The following HSD11B1 variants were observed in gnomAD, a reference collection of about 807,000 sequenced individuals.
HSD11B1 encodes the protein hydroxysteroid 11-beta dehydrogenase 1, also known as 11-beta-hydroxysteroid dehydrogenase 1.
HSD11B1 carries 15 observed loss-of-function variants against 22.1 expected under a neutral mutation model. The ratio of observed to expected loss-of-function variants is 0.68; its 90% CI spans 0.45 to 1.04. The LOEUF (loss-of-function observed/expected upper bound fraction) is 1.04, where lower values mean the gene tolerates loss of function less well. Among genes scored for constraint, HSD11B1 ranks in the 50% least tolerant of loss-of-function variants. The probability of loss-of-function intolerance (pLI) is 0.00; values close to 1 mark genes in which losing one functional copy is unlikely to be tolerated. For synonymous variants in HSD11B1, 122 were observed against 125.2 expected (o/e 0.97, Z 0.17); for missense variants, 281 against 357.6 (o/e 0.79, Z 1.73).
At chr1:209,704,581 A>G (rs925127592), upstream of HSD11B1, among the ~76,000 whole-genome samples, 1 of 152,142 alleles carries the variant, frequency 6.6e-6, no homozygotes, top group African/African-American at 2.4e-5. Context: ...CTTTTGAAAG[A>G]TCATTGATCC....
At position 209,688,664 on chromosome 1, in the gene HSD11B1, T is replaced by C. The variant is rs180703007; in HGVS notation, c.-49+2379T>C. The stretch of plus-strand genomic sequence containing the variant: ...CTTGGGGGTAAGTAGAAGATATCAC[T>C]ACTATAAGCTTCCTCTCCTTTCAAG... On this transcript the variant is annotated intron_variant, in intron 1 of 6. Transcript: ENST00000261465. 1.7e-3 allele frequency among the ~76,000 whole-genome samples: 260 copies of C among 152,308 alleles called. 3 individuals carry two copies. Among genetic ancestry groups the C allele is most frequent in the African/African-American group, 6.0e-3 (251 of 41,558 alleles).
At chr1:209,732,222 A>C (rs1195353855) in intron 4 of HSD11B1, among the ~76,000 whole-genome samples, 10 of 152,166 alleles carry the variant, frequency 6.6e-5, no homozygotes, top group Middle Eastern at 3.2e-3. Flanking sequence ...TCCCTCTTCA[A>C]TGAAGGCTGT....
intron 4 of HSD11B1, among the ~76,000 whole-genome samples, chr1:209,715,611 C>G (rs927051159): frequency 3.3e-5 from 5 of 152,204 alleles, no homozygotes; most frequent in Admixed American, 3.3e-4. Flanking sequence ...AAACCTAGAA[C>G]CATTGAGGCA....
At chr1:209,698,251 C>T (rs922019652) in intron 1 of HSD11B1, among the ~76,000 whole-genome samples, 1 of 152,016 alleles carries the variant, frequency 6.6e-6, no homozygotes, top group Non-Finnish European at 1.5e-5. Flanking sequence ...CTTAAAATAA[C>T]TATTTGTCAT....
rs748009551 is a variant in HSD11B1, at chr1:209,704,971, C to G, written c.29C>G (p.Pro10Arg). MAFMKKYLL[P>R]ILGLFMAYYY... ...GCTTTTATGAAAAAATATCTCCTCC[C>G]CATTCTGGGGCTCTTCATGGCCTAC... is the stretch of plus-strand genomic sequence containing the variant. Residue 10 changes from proline to arginine, a missense_variant, in exon 1 of 6, where the codon CCC becomes CGC. Pro to Arg is a moderately radical substitution (Grantham distance 103). Transcript: ENST00000367027. 26 of 1,613,780 alleles carry G rather than the reference C, an allele frequency of 1.6e-5. No individual in the cohort carries two copies. The highest frequency in any genetic ancestry group is 3.3e-5 in the Admixed American group (2 of 59,994).
intron 1 of HSD11B1, among the ~76,000 whole-genome samples, chr1:209,688,983 T>G (rs550891321): frequency 1.3e-5 from 2 of 151,982 alleles, no homozygotes; most frequent in African/African-American, 4.8e-5. Flanking sequence ...GAGGAACAGG[T>G]GGGGGTAAAC....
In HSD11B1 at chr1:209,723,174, G is replaced by C. The variant is rs145748320; in HGVS notation, c.518-9262G>C. Among the ~76,000 whole-genome samples the C allele has an allele frequency of 6.4e-4, 97 of 152,106 alleles. 1 individual carries two copies. Among genetic ancestry groups the C allele is most frequent in the African/African-American group, 2.3e-3 (95 of 41,498 alleles). On this transcript the variant is annotated intron_variant, in intron 4 of 5. Coordinates refer to ENST00000367027, the MANE Select transcript of HSD11B1 (RefSeq NM_005525.4). ...ATAGTCACCATAGCTCTGTTTCTTT[G>C]TGTTCTAAAACTTCCCAGAAAGCTA...
At chr1:209,701,738 G>A (rs2076828090), upstream of HSD11B1, among the ~76,000 whole-genome samples, 1 of 152,188 alleles carries the variant, frequency 6.6e-6, no homozygotes, top group Admixed American at 6.5e-5. Context: ...CATGATCAAC[G>A]TTTTATGCCA....
In HSD11B1 at chr1:209,704,918, A is replaced by T; in HGVS notation, c.-25A>T. 6.3e-7 allele frequency: 1 copy of T among 1,576,672 alleles called. No homozygotes were observed. Among genetic ancestry groups the T allele is most frequent in the African/African-American group, 1.3e-5 (1 of 74,244 alleles). ...AGGTTCTCTCTGTGTGTCCTACAGG[A>T]GTCTTCAGGCCAGCTCCCTGTCGGA... is the stretch of plus-strand genomic sequence containing the variant. On this transcript the variant is annotated 5_prime_UTR_variant, in exon 1 of 6. Coordinates refer to ENST00000367027, the MANE Select transcript of HSD11B1 (RefSeq NM_005525.4).
rs80241976 is a variant in HSD11B1, at chr1:209,731,536, G to A, written c.518-900G>A. On this transcript the variant is annotated intron_variant, in intron 4 of 5. Coordinates refer to ENST00000367027, the MANE Select transcript of HSD11B1 (RefSeq NM_005525.4). Reference sequence around the variant, plus strand: ...TAAAGTAGTTGCTATAACAATGCTCGGTAAAGACTATAGGGTCTCAGGTCA... The same window carrying A: ...TAAAGTAGTTGCTATAACAATGCTCAGTAAAGACTATAGGGTCTCAGGTCA... Among the ~76,000 whole-genome samples, 496 of 152,224 alleles carry A rather than the reference G, an allele frequency of 3.3e-3. 1 individual carries two copies. Among genetic ancestry groups the A allele is most frequent in the African/African-American group, 0.011 (439 of 41,524 alleles).
intron 1 of HSD11B1, among the ~76,000 whole-genome samples, chr1:209,698,865 G>A (rs1383867005): frequency 5.9e-5 from 9 of 152,156 alleles, no homozygotes; most frequent in Admixed American, 2.0e-4. Flanking sequence ...GAAGGCCCTT[G>A]GCTCTCCCAG....
chr1:209,725,418 G>C (rs867534372), intron 4 of HSD11B1, among the ~76,000 whole-genome samples: 9 of 152,140 alleles, frequency 5.9e-5, no homozygotes, highest in Non-Finnish European at 8.8e-5. Context: ...TCATCAAGCA[G>C]AATTTACAAC....
chr1:209,702,618 C>T (rs554896635), upstream of HSD11B1, among the ~76,000 whole-genome samples: 1 of 152,290 alleles, frequency 6.6e-6, no homozygotes, highest in Admixed American at 6.5e-5. Context: ...TATGCTAATG[C>T]CACTGCCCTG....
chr1:209,733,155 T>A (rs955241442), intron 5 of HSD11B1, among the ~76,000 whole-genome samples: 1 of 152,188 alleles, frequency 6.6e-6, no homozygotes, highest in Non-Finnish European at 1.5e-5. Context: ...ATGAGACTTA[T>A]CAAAATACAA....
chr1:209,686,788 T>C (rs2076731333), intron 1 of HSD11B1, among the ~76,000 whole-genome samples: 1 of 152,242 alleles, frequency 6.6e-6, no homozygotes, highest in Non-Finnish European at 1.5e-5. Context: ...GCCAGTTTAA[T>C]GTTATTAACA....
intron 4 of HSD11B1, among the ~76,000 whole-genome samples, chr1:209,710,121 A>G (rs183526708): frequency 6.6e-6 from 1 of 152,368 alleles, no homozygotes. Context: ...AAGTAGAAAT[A>G]TTAATACTTG....
chr1:209,693,614 T>C (rs2076773979), intron 1 of HSD11B1, among the ~76,000 whole-genome samples: 1 of 152,236 alleles, frequency 6.6e-6, no homozygotes, highest in African/African-American at 2.4e-5. Flanking sequence ...ATAAATCATA[T>C]CCTTCCAGTG....
intron 1 of HSD11B1, among the ~76,000 whole-genome samples, chr1:209,695,052 T>C (rs910472288): frequency 6.6e-6 from 1 of 152,190 alleles, no homozygotes; most frequent in Non-Finnish European, 1.5e-5. Flanking sequence ...CTCATGATAG[T>C]GAGTGAGTTC....
intron 4 of HSD11B1, among the ~76,000 whole-genome samples, chr1:209,712,180 T>C (rs76824909): frequency 0.019 from 2,863 of 152,274 alleles, 95 homozygotes; most frequent in African/African-American, 0.064. Flanking sequence ...AGAATATAAA[T>C]GTGCCCAAAT....
Sources: gnomAD v4.1 joint callset for allele counts (sites outside exome capture counted in the v4.1 genomes callset) on GRCh38, gnomAD v4.1.1 for gene constraint, MANE v1.5 for transcripts, NCBI Gene and HGNC (gene_info 2026-07-23, HGNC 2026-07-21) for gene names.